The following CELA3B variants were observed in gnomAD, a reference collection of about 807,000 sequenced individuals.
CELA3B encodes the protein chymotrypsin like elastase 3B.
CELA3B carries 34 observed loss-of-function variants against 37.2 expected under a neutral mutation model. The observed-to-expected ratio is 0.91, with a 90% confidence interval of 0.70 to 1.22. The LOEUF (loss-of-function observed/expected upper bound fraction) is 1.22. Ranked by LOEUF, CELA3B falls within the 50% of genes most tolerant of loss-of-function variation. The probability of loss-of-function intolerance (pLI) is 0.00; values close to 1 mark genes in which losing one functional copy is unlikely to be tolerated. For synonymous variants in CELA3B, 127 were observed against 143.5 expected, an observed-to-expected ratio of 0.89 and a Z score of 0.82; for missense variants, 340 against 363.1, an observed-to-expected ratio of 0.94 and a Z score of 0.52.
downstream of CELA3B, among the ~76,000 whole-genome samples, chr1:21,993,469 AAAAAAAAAAAG>A (rs1644877292): frequency 6.8e-6 from 1 of 146,808 alleles, no homozygotes. Flanking sequence ...TCCAAAAAAA[AAAAAAAAAAAG>A]AAGAAGAAAA....
At chr1:21,982,060 T>G (rs1569839694) in intron 4 of CELA3B, among the ~76,000 whole-genome samples, 1 of 152,026 alleles carries the variant, frequency 6.6e-6, no homozygotes, top group Admixed American at 6.6e-5. Flanking sequence ...GGCTAAGACT[T>G]TTTTCTCAGA....
chr1:21,979,453 C>CT (rs66459906), intron 2 of CELA3B, among the ~76,000 whole-genome samples: 897 of 85,374 alleles, frequency 0.011, 16 homozygotes, highest in African/African-American at 0.036. Context: ...CTTTTCTTTT[C>CT]TTTTTTTTTT....
chr1:21,987,541 C>T (rs187149470), intron 7 of CELA3B: 2,364 of 151,374 alleles, frequency 0.016, 32 homozygotes, highest in Non-Finnish European at 0.023. Context: ...GCAGGAGGAT[C>T]GGTTGAGCCC....
downstream of CELA3B, among the ~76,000 whole-genome samples, chr1:21,990,999 T>C (rs1302979354): frequency 2.8e-4 from 14 of 50,044 alleles, 1 homozygote; most frequent in Non-Finnish European, 6.5e-4. Flanking sequence ...CAAATGACTT[T>C]GATATTAATG....
chr1:21,997,475 G>C (rs1378504522), intron 4 of CELA3B, among the ~76,000 whole-genome samples: 1 of 150,774 alleles, frequency 6.6e-6, no homozygotes, highest in Non-Finnish European at 1.5e-5. Flanking sequence ...ATCACCTGAG[G>C]TTAGGAGTTT....
intron 4 of CELA3B, among the ~76,000 whole-genome samples, chr1:21,997,445 T>C (rs1289205881): frequency 2.0e-5 from 3 of 150,196 alleles, no homozygotes; most frequent in African/African-American, 4.9e-5. Context: ...TCCCACACTT[T>C]GGGAGGCCAA....
At chr1:21,987,904 A>T (rs1644848784) in intron 7 of CELA3B, 1 of 151,824 alleles carries the variant, frequency 6.6e-6, no homozygotes, top group African/African-American at 2.4e-5. Context: ...AAAGTCATGA[A>T]GGCTTCCATT....
At chr1:21,983,044 G>A (rs1457001494) in intron 4 of CELA3B, among the ~76,000 whole-genome samples, 1 of 152,160 alleles carries the variant, frequency 6.6e-6, no homozygotes, top group African/African-American at 2.4e-5. Context: ...GGACTAGAAG[G>A]GTTTCTTAAA....
At chr1:21,989,934 A>C (rs1238867495), downstream of CELA3B, among the ~76,000 whole-genome samples, 1 of 150,798 alleles carries the variant, frequency 6.6e-6, no homozygotes, top group Admixed American at 6.6e-5. Context: ...GTAGTTTATA[A>C]AGGAAAGAAG....
chr1:21,981,537 T>C (rs867828610), intron 4 of CELA3B, among the ~76,000 whole-genome samples: 2 of 151,634 alleles, frequency 1.3e-5, no homozygotes, highest in Non-Finnish European at 2.9e-5. Context: ...CCCAGCACTA[T>C]GGGCACAAGG....
At chr1:21,980,245 C>G (rs1475989168) in intron 2 of CELA3B, among the ~76,000 whole-genome samples, 2 of 142,830 alleles carry the variant, frequency 1.4e-5, no homozygotes, top group South Asian at 2.4e-4. Flanking sequence ...TTCGGGAGGC[C>G]GAGGTGGGCA....
chr1:21,978,225 A>T (rs1644782728), intron 1 of CELA3B, 144 bp from the exon 2 acceptor site: 2 of 676,496 alleles, frequency 3.0e-6, no homozygotes, highest in Non-Finnish European at 5.3e-6. Context: ...CACTATTCAT[A>T]TGTGGTTACT....
rs1361598157 is a variant in CELA3B at position 21,977,097 on chromosome 1, T to G, written c.43+15T>G. On this transcript the variant is annotated intron_variant, in intron 1 of 7. Coordinates refer to ENST00000337107, the MANE Select transcript of CELA3B (RefSeq NM_007352.4). ...TGTGGCCGTTGGTAAGACCCCAACC[T>G]GTGTGTGTGCTCCCTGGGCTGCCCT... is the stretch of plus-strand genomic sequence containing the variant. The G allele has an allele frequency of 3.1e-6, 5 of 1,613,972 alleles. No individual in the cohort carries two copies. In the African/African-American group the frequency reaches 4.0e-5, roughly 13 times the overall value.
chr1:21,977,339 G>A (rs555824438), intron 1 of CELA3B, among the ~76,000 whole-genome samples: 31 of 152,178 alleles, frequency 2.0e-4, no homozygotes, highest in Admixed American at 1.8e-3. Context: ...AAAGTCAAAC[G>A]GTTAAGAGTT....
intron 4 of CELA3B, among the ~76,000 whole-genome samples, chr1:21,982,618 G>C (rs1354406459): frequency 6.6e-6 from 1 of 152,090 alleles, no homozygotes; most frequent in African/African-American, 2.4e-5. Flanking sequence ...GAATTATTGG[G>C]CCTTAGCCAA....
At chr1:21,985,567 T>A (rs1257170389) in intron 6 of CELA3B, among the ~76,000 whole-genome samples, 1 of 151,718 alleles carries the variant, frequency 6.6e-6, no homozygotes, top group Non-Finnish European at 1.5e-5. Flanking sequence ...TGTGAGCCAC[T>A]TTCCTGGACT....
chr1:21,977,168 C>T, intron 1 of CELA3B, 86 bp downstream of exon 1: 1 of 1,583,368 alleles, frequency 6.3e-7, no homozygotes, highest in South Asian at 1.1e-5. Context: ...AGTCCCATGA[C>T]ACCCTATGCC....
intron 2 of CELA3B, among the ~76,000 whole-genome samples, chr1:21,979,579 T>C (rs1644792835): frequency 6.6e-6 from 1 of 150,934 alleles, no homozygotes. Context: ...CAGCCTCCTG[T>C]GTAGCTAGGA....
intron 6 of CELA3B, among the ~76,000 whole-genome samples, chr1:21,985,063 T>C (rs113692408): frequency 0.029 from 4,451 of 152,008 alleles, 113 homozygotes; most frequent in African/African-American, 0.068. Flanking sequence ...GAGGATTGCT[T>C]GAGGCTAGGA....
Sources: gnomAD v4.1 joint callset for allele counts (sites outside exome capture counted in the v4.1 genomes callset) on GRCh38, gnomAD v4.1.1 for gene constraint, MANE v1.5 for transcripts, NCBI Gene and HGNC (gene_info 2026-07-23, HGNC 2026-07-21) for gene names.